TNR: variants seen among roughly 807,000 people sequenced by gnomAD.
TNR encodes the protein tenascin-R.
TNR carries 45 observed loss-of-function variants against 150.4 expected under a neutral mutation model. That is an observed-to-expected ratio of 0.30 (90% CI 0.24 to 0.38). The LOEUF (loss-of-function observed/expected upper bound fraction) is 0.38. Ranked by LOEUF, TNR falls within the 10% of genes least tolerant of loss-of-function variation. The pLI, the probability that TNR is intolerant of heterozygous loss-of-function variation, is 1.00. For synonymous variants in TNR, 687 were observed against 678.4 expected (o/e 1.01, Z -0.20); for missense variants, 1,544 against 1,759.1 (o/e 0.88, Z 2.19).
chr1:175,729,873 C>T (rs73037253), intron 1 of TNR, among the ~76,000 whole-genome samples: 1,719 of 152,234 alleles, frequency 0.011, 31 homozygotes, highest in African/African-American at 0.033. Flanking sequence ...CCATCACTCT[C>T]GGACTTGGAG....
chr1:175,515,029 G>A (rs927909752), intron 2 of TNR, among the ~76,000 whole-genome samples: 5 of 152,188 alleles, frequency 3.3e-5, no homozygotes, highest in African/African-American at 7.2e-5. Context: ...AGACCAACTC[G>A]TTCCGGGCCA....
At chr1:175,666,028 C>T (rs760397697) in intron 1 of TNR, among the ~76,000 whole-genome samples, 2 of 152,192 alleles carry the variant, frequency 1.3e-5, no homozygotes, top group African/African-American at 2.4e-5. Context: ...CCTAATTTAC[C>T]ATAAGGGAAA....
chr1:175,713,668 G>A (rs972412697), intron 1 of TNR, among the ~76,000 whole-genome samples: 2 of 152,130 alleles, frequency 1.3e-5, no homozygotes, highest in African/African-American at 4.8e-5. Context: ...CACCAAACCA[G>A]CTGCTGCAGT....
chr1:175,433,543 C>T (rs1557931466), intron 2 of TNR, among the ~76,000 whole-genome samples: 1 of 152,172 alleles, frequency 6.6e-6, no homozygotes, highest in Non-Finnish European at 1.5e-5. Flanking sequence ...GAGCCTCCTA[C>T]AGAAGTGTCA....
intron 8 of TNR, among the ~76,000 whole-genome samples, chr1:175,385,430 T>C (rs1213453836): frequency 6.6e-6 from 1 of 152,196 alleles, no homozygotes; most frequent in Non-Finnish European, 1.5e-5. Context: ...GCAGGTTTTA[T>C]ATGGGCTTTA....
chr1:175,354,415 T>C lies in TNR; in HGVS notation c.3358A>G (p.Ile1120Val), dbSNP rs1235446393. The change falls in exon 18 of 23, where the codon ATC becomes GTC. Residue 1120 changes from isoleucine to valine, a missense_variant. Coordinates refer to ENST00000367674, the MANE Select transcript of TNR (RefSeq NM_003285.3). The stretch of plus-strand genomic sequence containing the variant: ...CCTGTGGTGAAAGCGGTGGAGGTGA[T>C]GCTGCTCCACGTGGTGTCCTGTGCT... ...QAAQDTTWSS[I>V]TSTAFTTGGR... 11 of 1,614,070 alleles carry C rather than the reference T, an allele frequency of 6.8e-6. No individual in the cohort carries two copies. The highest frequency in any genetic ancestry group is 9.3e-6 in the Non-Finnish European group (11 of 1,179,952).
intron 2 of TNR, among the ~76,000 whole-genome samples, chr1:175,487,780 T>C (rs538300579): frequency 1.3e-5 from 2 of 152,234 alleles, no homozygotes; most frequent in East Asian, 3.9e-4. Context: ...GTGGTAAGTT[T>C]CCAAAAAAAG....
At chr1:175,619,338 T>A (rs1663885371) in intron 1 of TNR, among the ~76,000 whole-genome samples, 8 of 152,070 alleles carry the variant, frequency 5.3e-5, no homozygotes, top group Admixed American at 5.2e-4. Context: ...CACATAAAAC[T>A]TCGTGCAGAA....
chr1:175,433,530 G>A (rs1655365324), intron 2 of TNR, among the ~76,000 whole-genome samples: 1 of 152,182 alleles, frequency 6.6e-6, no homozygotes, highest in Non-Finnish European at 1.5e-5. Flanking sequence ...TGTACTTGCA[G>A]TAGAGCCTCC....
chr1:175,670,893 G>A (rs975860248), intron 1 of TNR, among the ~76,000 whole-genome samples: 17 of 152,168 alleles, frequency 1.1e-4, no homozygotes, highest in African/African-American at 3.9e-4. Flanking sequence ...CTGAATATGG[G>A]CAAGTACAAA....
chr1:175,560,397 C>T (rs568557025), intron 1 of TNR, among the ~76,000 whole-genome samples: 7 of 152,218 alleles, frequency 4.6e-5, no homozygotes, highest in Non-Finnish European at 7.3e-5. Flanking sequence ...CAGCTGCCTG[C>T]GCATGGCTGG....
At chr1:175,610,144 C>T (rs72725465) in intron 1 of TNR, among the ~76,000 whole-genome samples, 134 of 152,336 alleles carry the variant, frequency 8.8e-4, no homozygotes, top group Non-Finnish European at 1.7e-3. Flanking sequence ...CTGGTCTCTG[C>T]AGACTGTAAG....
At chr1:175,439,064 A>G (rs6698243) in intron 2 of TNR, among the ~76,000 whole-genome samples, 71,736 of 151,992 alleles carry the variant, frequency 0.47, 17,829 homozygotes, top group African/African-American at 0.63. Flanking sequence ...CCCTCATTGC[A>G]AAGTCAATCC....
At position 175,698,812 on chromosome 1, in the gene TNR, ACT is replaced by A. The variant is rs1666604930; in HGVS notation, c.-165+44412_-165+44413del. On this transcript the variant is annotated intron_variant, in intron 1 of 22. Transcript: ENST00000367674. Reference sequence around the variant, plus strand: ...ATCACGCCTGGGCAATAAAAGTAAGACTCTGTCTCAAAAAAAAAAAGGTGGTG... The same window carrying A: ...ATCACGCCTGGGCAATAAAAGTAAGACTGTCTCAAAAAAAAAAAGGTGGTG... Among the ~76,000 whole-genome samples the A allele has an allele frequency of 4.7e-5, 7 of 148,632 alleles. No homozygotes were observed. The East Asian group carries it at 7.9e-4, about 17-fold the overall frequency.
intron 1 of TNR, among the ~76,000 whole-genome samples, chr1:175,549,990 G>A (rs1209146809): frequency 6.6e-6 from 1 of 152,140 alleles, no homozygotes; most frequent in Non-Finnish European, 1.5e-5. Context: ...GTGATAATTT[G>A]TTGTGCAGCA....
chr1:175,521,877 A>T (rs1435745850), intron 2 of TNR, among the ~76,000 whole-genome samples: 2 of 152,144 alleles, frequency 1.3e-5, no homozygotes, highest in Non-Finnish European at 2.9e-5. Context: ...GGGCTTGATT[A>T]TATTGTCATG....
chr1:175,446,736 C>G (rs925226481), intron 2 of TNR, among the ~76,000 whole-genome samples: 2 of 152,024 alleles, frequency 1.3e-5, no homozygotes, highest in Admixed American at 6.5e-5. Context: ...TTGCAAGGGA[C>G]CTGTAAGTCA....
chr1:175,585,996 A>G (rs1662547461), intron 1 of TNR, among the ~76,000 whole-genome samples: 1 of 152,242 alleles, frequency 6.6e-6, no homozygotes, highest in Admixed American at 6.5e-5. Flanking sequence ...CACCTGGAGA[A>G]CATAATTAAG....
chr1:175,428,525 C>A (rs183640700), intron 2 of TNR, among the ~76,000 whole-genome samples: 1 of 152,064 alleles, frequency 6.6e-6, no homozygotes, highest in South Asian at 2.1e-4. Context: ...CCCTGGAAGT[C>A]GAAGTTATTA....
Sources: allele counts gnomAD v4.1 joint callset (sites outside exome capture counted in the v4.1 genomes callset), GRCh38; gene constraint gnomAD v4.1.1; transcripts MANE v1.5; gene names NCBI Gene and HGNC (gene_info 2026-07-23, HGNC 2026-07-21).